The following TACR3 variants were observed in gnomAD, a reference collection of about 807,000 sequenced individuals.
The protein encoded by TACR3 is neuromedin-K receptor.
TACR3 carries 34 observed loss-of-function variants against 35.0 expected under a neutral mutation model. The ratio of observed to expected loss-of-function variants is 0.97; its 90% CI spans 0.74 to 1.30. TACR3 has a LOEUF of 1.30. Among genes scored for constraint, TACR3 ranks in the 50% most tolerant of loss-of-function variants. The pLI, the probability that TACR3 is intolerant of heterozygous loss-of-function variation, is 0.00. For missense variants in TACR3, 558 were observed against 591.7 expected (o/e 0.94, Z 0.59); for synonymous variants, 233 against 221.1 (o/e 1.05, Z -0.48).
At chr4:103,631,199 G>C (rs966615439) in intron 3 of TACR3, among the ~76,000 whole-genome samples, 4 of 152,056 alleles carry the variant, frequency 2.6e-5, no homozygotes, top group African/African-American at 9.7e-5. Flanking sequence ...CTGGAGGAGG[G>C]ATAGCACTTG....
At position 103,719,882 on chromosome 4, in the gene TACR3, C is replaced by T; in HGVS notation, c.-207G>A. ...AGCTGCACTTTCTCAGAGGCGCTTGCGGCTCTGGCAGGCAGAAAGAATGAG... is the reference window on the plus strand; with the variant it reads ...AGCTGCACTTTCTCAGAGGCGCTTGTGGCTCTGGCAGGCAGAAAGAATGAG... On this transcript the variant is annotated 5_prime_UTR_variant, in exon 1 of 5. Coordinates refer to ENST00000304883, the MANE Select transcript of TACR3 (RefSeq NM_001059.3). 1.6e-6 allele frequency: 1 copy of T among 631,282 alleles called. No individual in the cohort carries two copies. The highest frequency in any genetic ancestry group is 2.7e-6 in the Non-Finnish European group (1 of 366,158). The allele number at this position is 631,282 out of a possible 1,614,324, so 39.1% of individuals were successfully genotyped here.
rs16996815 is a variant in TACR3, at chr4:103,659,754, G to C, written c.549-1351C>G. ...GGAAGTTAGGAATTCTGTAAATATG[G>C]TAAGTAGAGTCATGCTTTATTAACT... On this transcript the variant is annotated intron_variant, in intron 1 of 4. Coordinates refer to ENST00000304883, the MANE Select transcript of TACR3 (RefSeq NM_001059.3). Among the ~76,000 whole-genome samples, 1,344 of 152,228 alleles carry C rather than the reference G, an allele frequency of 8.8e-3. 20 individuals carry two copies. Among genetic ancestry groups the C allele is most frequent in the African/African-American group, 0.03 (1,234 of 41,544 alleles).
At chr4:103,598,998 T>C (rs1239913937) in intron 3 of TACR3, among the ~76,000 whole-genome samples, 1 of 152,194 alleles carries the variant, frequency 6.6e-6, no homozygotes. Flanking sequence ...AAGAAAGTCA[T>C]TGGTAGCTTG....
chr4:103,607,305 T>A (rs1724398563), intron 3 of TACR3, among the ~76,000 whole-genome samples: 1 of 152,128 alleles, frequency 6.6e-6, no homozygotes, highest in Non-Finnish European at 1.5e-5. Flanking sequence ...TTTTGAGTTT[T>A]GAATTTTGAA....
intron 1 of TACR3, among the ~76,000 whole-genome samples, chr4:103,709,188 C>A (rs1722877086): frequency 6.6e-6 from 1 of 152,104 alleles, no homozygotes. Flanking sequence ...AAGAGCAACT[C>A]CAAGACGCAT....
chr4:103,713,602 C>T (rs1723020980), intron 1 of TACR3, among the ~76,000 whole-genome samples: 1 of 151,160 alleles, frequency 6.6e-6, no homozygotes, highest in Non-Finnish European at 1.5e-5. Flanking sequence ...GCACATGTAC[C>T]CTGGAACTTA....
At chr4:103,609,128 G>T (rs758917776) in intron 3 of TACR3, among the ~76,000 whole-genome samples, 2 of 152,128 alleles carry the variant, frequency 1.3e-5, no homozygotes, top group African/African-American at 4.8e-5. Context: ...GAACTACACA[G>T]TGTAATGAAT....
chr4:103,611,762 T>A (rs1266618969), intron 3 of TACR3, among the ~76,000 whole-genome samples: 3 of 152,140 alleles, frequency 2.0e-5, no homozygotes, highest in Non-Finnish European at 2.9e-5. Flanking sequence ...ACATTCTTCT[T>A]GTGAACATCC....
At chr4:103,597,983 A>G (rs148334438) in intron 3 of TACR3, among the ~76,000 whole-genome samples, 5,290 of 152,210 alleles carry the variant, frequency 0.035, 333 homozygotes, top group African/African-American at 0.12. Context: ...TGGGATGGCT[A>G]GGTCAAATGG....
chr4:103,600,476 C>A lies in TACR3; in HGVS notation c.889-8793G>T, dbSNP rs554955193. ...CTATTTCCTTCAGTTCTGCTCTGAT[C>A]TTAGTTATTTCTTGCCTTCTGCTAG... On this transcript the variant is annotated intron_variant, in intron 3 of 4. Transcript: ENST00000304883. Among the ~76,000 whole-genome samples, 6 of 152,168 alleles carry A rather than the reference C, an allele frequency of 3.9e-5. No homozygotes were observed. The South Asian group carries it at 1.0e-3, about 26-fold the overall frequency.
intron 3 of TACR3, among the ~76,000 whole-genome samples, chr4:103,598,552 G>A (rs193082066): frequency 9.2e-5 from 14 of 152,220 alleles, no homozygotes; most frequent in African/African-American, 3.4e-4. Flanking sequence ...GAATGGTATT[G>A]CCTATGTTTT....
intron 1 of TACR3, among the ~76,000 whole-genome samples, chr4:103,662,761 C>T (rs2110332651): frequency 6.6e-6 from 1 of 152,236 alleles, no homozygotes; most frequent in East Asian, 1.9e-4. Context: ...GTGGCATCAA[C>T]AAGCCAAGAA....
At chr4:103,620,750 T>C (rs999413027) in intron 3 of TACR3, among the ~76,000 whole-genome samples, 1 of 151,702 alleles carries the variant, frequency 6.6e-6, no homozygotes, top group Non-Finnish European at 1.5e-5. Context: ...TACTGGAGGG[T>C]GGGGGTGGAT....
chr4:103,707,138 T>C (rs1427591524), intron 1 of TACR3, among the ~76,000 whole-genome samples: 1 of 152,228 alleles, frequency 6.6e-6, no homozygotes, highest in Non-Finnish European at 1.5e-5. Context: ...GACAGTGTAT[T>C]TGAGGATATT....
intron 3 of TACR3, among the ~76,000 whole-genome samples, chr4:103,592,513 A>G (rs1277029420): frequency 1.3e-5 from 2 of 152,208 alleles, no homozygotes; most frequent in East Asian, 1.9e-4. Flanking sequence ...TACTCCCAGC[A>G]TCTATCACAG....
intron 1 of TACR3, among the ~76,000 whole-genome samples, chr4:103,676,705 A>C (rs1382363439): frequency 2.6e-5 from 4 of 152,212 alleles, no homozygotes; most frequent in African/African-American, 4.8e-5. Context: ...TACACCATAT[A>C]CAAAAATTAA....
intron 1 of TACR3, among the ~76,000 whole-genome samples, chr4:103,667,633 A>G (rs1241903939): frequency 6.6e-6 from 1 of 152,174 alleles, no homozygotes; most frequent in African/African-American, 2.4e-5. Flanking sequence ...TATTTATAAT[A>G]ATGTAAAAAT....
intron 1 of TACR3, among the ~76,000 whole-genome samples, chr4:103,713,110 C>A (rs1480868380): frequency 6.6e-6 from 1 of 152,094 alleles, no homozygotes; most frequent in Admixed American, 6.6e-5. Context: ...TTTGACCCAG[C>A]CATCCCATTA....
At chr4:103,654,862 C>G (rs1475443926) in intron 3 of TACR3, among the ~76,000 whole-genome samples, 3 of 151,880 alleles carry the variant, frequency 2.0e-5, no homozygotes, top group Non-Finnish European at 4.4e-5. Flanking sequence ...TCAACATGAG[C>G]AAGATGTTAT....
Sources: gnomAD v4.1 joint callset for allele counts (sites outside exome capture counted in the v4.1 genomes callset) on GRCh38, gnomAD v4.1.1 for gene constraint, MANE v1.5 for transcripts, NCBI Gene and HGNC (gene_info 2026-07-23, HGNC 2026-07-21) for gene names.